RBFOX2: variants seen among roughly 807,000 people sequenced by gnomAD.
The protein encoded by RBFOX2 is RNA binding fox-1 homolog 2, also known as RNA binding protein fox-1 homolog 2.
A neutral mutation model predicts 49.1 loss-of-function variants in RBFOX2; 10 were observed. The ratio of observed to expected loss-of-function variants is 0.20; its 90% CI spans 0.13 to 0.35. The LOEUF (loss-of-function observed/expected upper bound fraction) is 0.35, where lower values mean the gene tolerates loss of function less well. Ranked by LOEUF, RBFOX2 falls within the 10% of genes least tolerant of loss-of-function variation. The pLI is 1.00. For synonymous variants in RBFOX2, 183 were observed against 187.4 expected, an observed-to-expected ratio of 0.98 and a Z score of 0.19; for missense variants, 323 against 486.9, an observed-to-expected ratio of 0.66 and a Z score of 3.17.
chr22:35,769,860 T>C lies in RBFOX2; in HGVS notation c.454-1511A>G, dbSNP rs138081761. Among the ~76,000 whole-genome samples the C allele has an allele frequency of 3.3e-3, 510 of 152,268 alleles. 2 individuals carry two copies. Among genetic ancestry groups the C allele is most frequent in the Non-Finnish European group, 5.8e-3 (396 of 67,996 alleles). On this transcript the variant is annotated intron_variant, in intron 4 of 11. Transcript: ENST00000405409. ...CATTCTAAGTGATTATGTGGGTGGG[T>C]GGTGTTTTGGAGAATTCCAATGGAT...
intron 1 of RBFOX2, among the ~76,000 whole-genome samples, chr22:35,834,704 C>G (rs1957350999): frequency 6.6e-6 from 1 of 151,892 alleles, no homozygotes; most frequent in South Asian, 2.1e-4. Flanking sequence ...GCAGGAGGGT[C>G]TTAGGCATGT....
intron 1 of RBFOX2, among the ~76,000 whole-genome samples, chr22:36,009,448 A>G (rs1294372574): frequency 6.6e-6 from 1 of 152,174 alleles, no homozygotes; most frequent in Non-Finnish European, 1.5e-5. Context: ...ATCATGGCTC[A>G]CTGCAGCATC....
chr22:35,797,375 A>C (rs1948974907), intron 2 of RBFOX2, among the ~76,000 whole-genome samples: 1 of 152,200 alleles, frequency 6.6e-6, no homozygotes, highest in African/African-American at 2.4e-5. Context: ...ACTCAATCAC[A>C]CAGTACTTTT....
chr22:35,768,111 A>C, intron 5 of RBFOX2, 146 bp downstream of exon 6: 1 of 805,994 alleles, frequency 1.2e-6, no homozygotes, highest in East Asian at 2.6e-5. Flanking sequence ...TTTTAGTGCA[A>C]GAAGGTGAAG....
chr22:35,779,367 A>C (rs1462669815), intron 3 of RBFOX2, among the ~76,000 whole-genome samples: 5 of 152,210 alleles, frequency 3.3e-5, no homozygotes, highest in Non-Finnish European at 7.3e-5. Context: ...GTGAAAAAAA[A>C]CTGAAAAATG....
chr22:35,741,847 G>T (rs551141188), exon 12 of RBFOX2: 2 of 152,624 alleles, frequency 1.3e-5, no homozygotes, highest in Non-Finnish European at 2.9e-5. Context: ...AAAAAGAAGA[G>T]AAAAACTCTT....
intron 1 of RBFOX2, chr22:35,994,080 C>A (rs977886512): frequency 6.6e-6 from 1 of 152,020 alleles, no homozygotes; most frequent in Non-Finnish European, 1.5e-5. Flanking sequence ...ATTGTAGTAA[C>A]TTCCCCTTCT....
chr22:35,814,765 A>AAAGAGTCTG (rs1258318157), intron 1 of RBFOX2, among the ~76,000 whole-genome samples: 1 of 151,344 alleles, frequency 6.6e-6, no homozygotes, highest in East Asian at 1.9e-4. Flanking sequence ...TGTCAAGAAA[A>AAAGAGTCTG]AAGAGTCTGG....
In RBFOX2 at chr22:35,809,781, G is replaced by A. The variant is rs200621025; in HGVS notation, c.251C>T (p.Thr84Met). 2.2e-5 allele frequency: 36 copies of A among 1,613,260 alleles called. No individual in the cohort carries two copies. The highest frequency in any genetic ancestry group is 5.3e-5 in the African/African-American group (4 of 74,872). Reference sequence around the variant, plus strand: ...TTTTTCACCTCATGGTCCACGTACCGTAAGAGATCCATTTTGTGTGCTGGG... The same window carrying A: ...TTTTTCACCTCATGGTCCACGTACCATAAGAGATCCATTTTGTGTGCTGGG... The change falls in exon 2 of 12, where the codon ACG becomes ATG. Residue 84 changes from threonine to methionine, a missense_variant and splice_region_variant. Thr to Met is a moderately conservative substitution (Grantham distance 81). Coordinates refer to ENST00000405409, the Ensembl canonical transcript of RBFOX2.
At chr22:35,819,812 A>G (rs181997843) in intron 1 of RBFOX2, among the ~76,000 whole-genome samples, 1 of 152,372 alleles carries the variant, frequency 6.6e-6, no homozygotes, top group East Asian at 1.9e-4. Flanking sequence ...CAGAGAAAAA[A>G]TAAGAGGAGG....
chr22:35,815,428 A>G (rs575056588), intron 1 of RBFOX2, among the ~76,000 whole-genome samples: 2 of 152,338 alleles, frequency 1.3e-5, no homozygotes, highest in African/African-American at 4.8e-5. Context: ...TAGGATAACT[A>G]AAGTCTATGT....
At chr22:35,844,863 CAA>C (rs1569366463), upstream of RBFOX2, among the ~76,000 whole-genome samples, 2 of 151,958 alleles carry the variant, frequency 1.3e-5, no homozygotes, top group African/African-American at 4.8e-5. Flanking sequence ...GGAAGATGTA[CAA>C]AAAGAGTGGG....
intron 1 of RBFOX2, among the ~76,000 whole-genome samples, chr22:35,860,297 C>A (rs182224145): frequency 6.6e-6 from 1 of 152,102 alleles, no homozygotes; most frequent in African/African-American, 2.4e-5. Context: ...GTGTGAAGGA[C>A]GAGAGCAAGT....
At chr22:35,914,615 T>C (rs561867310) in intron 1 of RBFOX2, among the ~76,000 whole-genome samples, 3 of 152,304 alleles carry the variant, frequency 2.0e-5, no homozygotes, top group Admixed American at 6.5e-5. Flanking sequence ...ATGTCTGCCA[T>C]TCCCTGTGAT....
chr22:35,979,019 A>G (rs1364110225), intron 1 of RBFOX2, among the ~76,000 whole-genome samples: 3 of 152,360 alleles, frequency 2.0e-5, no homozygotes, highest in Admixed American at 1.3e-4. Context: ...GAAACCTGGC[A>G]GACATCAGCT....
chr22:36,020,310 G>C (rs1363292082), intron 1 of RBFOX2, among the ~76,000 whole-genome samples: 1 of 152,122 alleles, frequency 6.6e-6, no homozygotes, highest in Non-Finnish European at 1.5e-5. Flanking sequence ...AGAAAACCTA[G>C]GCAATACCAT....
At chr22:35,756,106 T>C in intron 9 of RBFOX2, 1 of 1,470,002 alleles carries the variant, frequency 6.8e-7, no homozygotes, top group East Asian at 2.7e-5. Context: ...TGTACTTACA[T>C]AGAGGTCAGC....
intron 1 of RBFOX2, among the ~76,000 whole-genome samples, chr22:35,871,545 G>C (rs1260578581): frequency 2.6e-5 from 4 of 152,194 alleles, no homozygotes; most frequent in African/African-American, 9.6e-5. Flanking sequence ...CAAATGGTCA[G>C]GTCTTAAGAA....
intron 4 of RBFOX2, among the ~76,000 whole-genome samples, chr22:35,775,598 G>A (rs947904550): frequency 6.6e-6 from 1 of 152,106 alleles, no homozygotes; most frequent in Non-Finnish European, 1.5e-5. Flanking sequence ...CCAGCACTGT[G>A]GGAAGCCAAG....
Sources: allele counts gnomAD v4.1 joint callset (sites outside exome capture counted in the v4.1 genomes callset), GRCh38; gene constraint gnomAD v4.1.1; transcripts MANE v1.5; gene names NCBI Gene and HGNC (gene_info 2026-07-23, HGNC 2026-07-21).